SMYD3: variants seen among roughly 807,000 people sequenced by gnomAD.
SMYD3 encodes SET and MYND domain containing 3.
In SMYD3, 36 loss-of-function variants were observed where a neutral mutation model predicts 57.7. The observed-to-expected ratio is 0.62, with a 90% CI of 0.48 to 0.82. The LOEUF is 0.82. Ranked by LOEUF, SMYD3 falls within the 40% of genes least tolerant of loss-of-function variation. SMYD3 has a pLI of 0.00. For missense variants in SMYD3, 515 were observed against 538.8 expected (o/e 0.96, Z 0.44); for synonymous variants, 211 against 195.0 (o/e 1.08, Z -0.68).
chr1:246,141,440 A>C (rs570824531), intron 5 of SMYD3, among the ~76,000 whole-genome samples: 27 of 151,158 alleles, frequency 1.8e-4, no homozygotes, highest in Non-Finnish European at 1.5e-5. Context: ...ACGGATATTC[A>C]AAGGAATTTT....
chr1:246,029,544 C>T (rs768039006), intron 5 of SMYD3, among the ~76,000 whole-genome samples: 3 of 151,628 alleles, frequency 2.0e-5, no homozygotes, highest in African/African-American at 4.8e-5. Context: ...TGGTGACACA[C>T]GCCTGTAATC....
chr1:245,892,143 A>T (rs2053427090), intron 8 of SMYD3, among the ~76,000 whole-genome samples: 1 of 152,218 alleles, frequency 6.6e-6, no homozygotes, highest in African/African-American at 2.4e-5. Context: ...GAAAGCAGAG[A>T]CAACTAAAAA....
At chr1:246,026,752 A>G (rs1191214179) in intron 5 of SMYD3, among the ~76,000 whole-genome samples, 2 of 152,148 alleles carry the variant, frequency 1.3e-5, no homozygotes, top group Non-Finnish European at 2.9e-5. Context: ...CTGAGACACA[A>G]TAATACTGAA....
chr1:246,129,615 G>A (rs1321823475), intron 5 of SMYD3, among the ~76,000 whole-genome samples: 1 of 152,112 alleles, frequency 6.6e-6, no homozygotes, highest in Non-Finnish European at 1.5e-5. Context: ...CACAGCTATT[G>A]TTTTGCCATT....
intron 8 of SMYD3, among the ~76,000 whole-genome samples, chr1:245,874,549 C>T (rs981182125): frequency 1.3e-5 from 2 of 152,178 alleles, no homozygotes; most frequent in Non-Finnish European, 2.9e-5. Flanking sequence ...CATAGCGTCC[C>T]CTAAGTCTTC....
chr1:246,282,875 C>G (rs962261391), intron 5 of SMYD3, among the ~76,000 whole-genome samples: 3 of 152,134 alleles, frequency 2.0e-5, no homozygotes, highest in African/African-American at 4.8e-5. Flanking sequence ...TGTTAATTAT[C>G]TAAAGTAAAC....
intron 5 of SMYD3, among the ~76,000 whole-genome samples, chr1:246,064,819 G>C (rs2060313675): frequency 6.6e-6 from 1 of 152,234 alleles, no homozygotes; most frequent in Non-Finnish European, 1.5e-5. Flanking sequence ...ACTGGGAACC[G>C]TGCATCGTTC....
chr1:246,276,416 G>C (rs2064333632), intron 5 of SMYD3, among the ~76,000 whole-genome samples: 1 of 139,416 alleles, frequency 7.2e-6, no homozygotes, highest in Non-Finnish European at 1.5e-5. Context: ...TGATGCCCAT[G>C]TTTGAATACT....
chr1:246,372,540 AG>A (rs935153679), intron 1 of SMYD3, among the ~76,000 whole-genome samples: 2 of 152,210 alleles, frequency 1.3e-5, no homozygotes, highest in African/African-American at 4.8e-5. Flanking sequence ...TTAGGAATAG[AG>A]ATTTTGCATA....
At chr1:246,409,654 T>C (rs1281818409) in intron 1 of SMYD3, among the ~76,000 whole-genome samples, 1 of 152,150 alleles carries the variant, frequency 6.6e-6, no homozygotes, top group African/African-American at 2.4e-5. Flanking sequence ...GACTTGGCAA[T>C]GCGGGCTCTT....
chr1:246,314,080 C>T (rs1274019616), intron 5 of SMYD3, among the ~76,000 whole-genome samples: 1 of 152,150 alleles, frequency 6.6e-6, no homozygotes, highest in African/African-American at 2.4e-5. Context: ...ATAATCCACC[C>T]TCCTCCCACT....
Position 245,773,503 on chromosome 1 carries a change from G to T in SMYD3, c.1077-9354C>A, listed in dbSNP as rs140551770. On this transcript the variant is annotated intron_variant, in intron 10 of 11. Coordinates refer to ENST00000490107, the MANE Select transcript of SMYD3 (RefSeq NM_001167740.2). ...CTGGCTGGCAGCAGGGAAACCTCAG[G>T]GGCTGTGTGGATGGCCCTCAGTGTG... 3.3e-4 allele frequency among the ~76,000 whole-genome samples: 50 copies of T among 152,330 alleles called. 1 individual carries two copies. The East Asian group carries it at 7.0e-3, about 21-fold the overall frequency.
chr1:245,798,026 G>A (rs937996402), intron 10 of SMYD3, among the ~76,000 whole-genome samples: 1 of 151,990 alleles, frequency 6.6e-6, no homozygotes, highest in Admixed American at 6.6e-5. Context: ...TTGCTCATTC[G>A]GCATCAACGT....
chr1:246,497,600 T>C (rs753273512), intron 1 of SMYD3, among the ~76,000 whole-genome samples: 10 of 152,240 alleles, frequency 6.6e-5, no homozygotes, highest in Non-Finnish European at 1.2e-4. Flanking sequence ...TGGTAGCATA[T>C]ACAGTTAAAT....
At chr1:245,792,685 C>G (rs2047326692) in intron 10 of SMYD3, among the ~76,000 whole-genome samples, 2 of 152,144 alleles carry the variant, frequency 1.3e-5, no homozygotes. Context: ...TTACAATGAA[C>G]AGATAAAGTT....
chr1:245,749,650 C>T lies in SMYD3; in HGVS notation c.1200G>A (p.Met400Ile), dbSNP rs2045251431. The T allele has an allele frequency of 6.2e-7, 1 of 1,613,922 alleles. No individual in the cohort carries two copies. Among genetic ancestry groups the T allele is most frequent in the Non-Finnish European group, 8.5e-7 (1 of 1,179,810 alleles). The change falls in exon 12 of 12, where the codon ATG becomes ATA. Residue 400 changes from methionine to isoleucine, a missense_variant. Coordinates refer to ENST00000490107, the MANE Select transcript of SMYD3 (RefSeq NM_001167740.2). ...MKNLRLAFDI[M>I]RVTHGREHSL... ...TGTGTTCTCTGCCATGTGTCACTCT[C>T]ATAATATCAAAAGCCTAAAGAGAAA...
chr1:246,413,779 C>T (rs2067014661), intron 1 of SMYD3, among the ~76,000 whole-genome samples: 1 of 152,136 alleles, frequency 6.6e-6, no homozygotes, highest in African/African-American at 2.4e-5. Flanking sequence ...ATGCTTCCTA[C>T]ACAGGCTGCA....
At chr1:245,953,541 T>C (rs1162692767) in intron 5 of SMYD3, among the ~76,000 whole-genome samples, 1 of 152,134 alleles carries the variant, frequency 6.6e-6, no homozygotes, top group Non-Finnish European at 1.5e-5. Flanking sequence ...TGCCTCAGCA[T>C]CCTGAGTAGC....
At chr1:245,982,799 T>C (rs2058625178) in intron 5 of SMYD3, among the ~76,000 whole-genome samples, 1 of 152,230 alleles carries the variant, frequency 6.6e-6, no homozygotes, top group African/African-American at 2.4e-5. Flanking sequence ...AGGACTGTTA[T>C]ATTCCATTTA....
Sources: allele counts gnomAD v4.1 joint callset (sites outside exome capture counted in the v4.1 genomes callset), GRCh38; gene constraint gnomAD v4.1.1; transcripts MANE v1.5; gene names NCBI Gene and HGNC (gene_info 2026-07-23, HGNC 2026-07-21).